DXO: variants seen among roughly 807,000 people sequenced by gnomAD.
The protein encoded by DXO is decapping exoribonuclease, also known as decapping and exoribonuclease protein.
A neutral mutation model predicts 39.8 loss-of-function variants in DXO; 42 were observed. That is an observed-to-expected ratio of 1.06 (90% confidence interval 0.83 to 1.37). The LOEUF (loss-of-function observed/expected upper bound fraction) is 1.37, where lower values mean the gene tolerates loss of function less well. Ranked by LOEUF, DXO falls within the 40% of genes most tolerant of loss-of-function variation. DXO has a pLI of 0.00. For synonymous variants in DXO, 193 were observed against 200.4 expected (o/e 0.96, Z 0.31); for missense variants, 495 against 513.0 (o/e 0.96, Z 0.34).
In DXO at chr6:31,970,164, A is replaced by G. The variant is rs1375032988; in HGVS notation, c.988T>C (p.Phe330Leu). Residue 330 changes from phenylalanine to leucine, a missense_variant, in exon 6 of 7, where the codon TTC becomes CTC. By Grantham distance (22) the Phe-to-Leu change is conservative. Coordinates refer to ENST00000337523, the MANE Select transcript of DXO (RefSeq NM_005510.4). The surrounding 1 kb of genome is among the most constrained non-coding windows in gnomAD (Gnocchi z 4.0). ...GCAAAGCTAAGGAAGGCGGCACAGA[A>G]GTTCATGCACACAGAGGGATTCCAG... ...DGWNPSVCMN[F>L]CAAFLSFAQS... 1 of 1,613,984 alleles carries G rather than the reference A, an allele frequency of 6.2e-7. No individual in the cohort carries two copies. The highest frequency in any genetic ancestry group is 1.1e-5 in the South Asian group (1 of 91,070).
At position 31,970,322 on chromosome 6, in the gene DXO, G is replaced by A; in HGVS notation, c.948+21C>T. The A allele has an allele frequency of 6.2e-7, 1 of 1,614,062 alleles. No individual in the cohort carries two copies. Among genetic ancestry groups the A allele is most frequent in the African/African-American group, 1.3e-5 (1 of 75,000 alleles). ...TTGGTGTTTGGGGATACGGGTGGGA[G>A]CTGCAACATCGTTCCCTTACCCTGA... On this transcript the variant is annotated intron_variant, in intron 5 of 6. Transcript: ENST00000337523. This position sits in a 1 kb window ranked among gnomAD's most constrained non-coding sequence, Gnocchi z 4.0.
rs1773143490 is a variant in DXO at position 31,970,289 on chromosome 6, C to CTG, written c.948+52_948+53dup. ...CAGGCTGTTGCCCTGGATGCTAGAC[C>CTG]TGTGGTCTTGGTGTTTGGGGATACG... On this transcript the variant is annotated intron_variant, in intron 5 of 6. Coordinates refer to ENST00000337523, the MANE Select transcript of DXO (RefSeq NM_005510.4). The surrounding 1 kb of genome is among the most constrained non-coding windows in gnomAD (Gnocchi z 4.0). 6.2e-7 allele frequency: 1 copy of CTG among 1,613,826 alleles called. No individual in the cohort carries two copies. The highest frequency in any genetic ancestry group is 1.1e-5 in the South Asian group (1 of 91,078).
At position 31,971,757 on chromosome 6, in the gene DXO, G is replaced by T; in HGVS notation, c.-6-76C>A. Reference sequence around the variant, plus strand: ...AAGGATGACTGGTTTAGGACTAAGCGAGCCACCTGATCGCCAGGCTCTGGC... The same window carrying T: ...AAGGATGACTGGTTTAGGACTAAGCTAGCCACCTGATCGCCAGGCTCTGGC... On this transcript the variant is annotated intron_variant, in intron 1 of 6. Coordinates refer to ENST00000337523, the MANE Select transcript of DXO (RefSeq NM_005510.4). This position sits in a 1 kb window ranked among gnomAD's most constrained non-coding sequence, Gnocchi z 4.5. The T allele has an allele frequency of 7.0e-7, 1 of 1,427,512 alleles. No homozygotes were observed. Among genetic ancestry groups the T allele is most frequent in the South Asian group, 1.4e-5 (1 of 72,322 alleles). The allele number at this position is 1,427,512 out of a possible 1,614,324, so 88.4% of individuals were successfully genotyped here.
chr6:31,971,069 C>T lies in DXO; in HGVS notation c.435G>A (p.Arg145=). The T allele has an allele frequency of 1.2e-6, 2 of 1,612,966 alleles. No individual in the cohort carries two copies. The highest frequency in any genetic ancestry group is 1.7e-6 in the Non-Finnish European group (2 of 1,180,010). The stretch of plus-strand genomic sequence containing the variant: ...AGGCTGCCAGCTGCCAGCCCTCCTG[C>T]CGCTCATACGGTGTCGTCAGCAGTT... The part of the protein sequence containing the change: ...LTKLLTTPYE[R]QEGWQLAASR... The change falls in exon 3 of 7, where the codon CGG becomes CGA. Residue 145 remains arginine, a synonymous_variant. Coordinates refer to ENST00000337523, the MANE Select transcript of DXO (RefSeq NM_005510.4). The surrounding 1 kb of genome is among the most constrained non-coding windows in gnomAD (Gnocchi z 4.5).
rs199944121 is a variant in DXO, at chr6:31,970,400, G to A, written c.891C>T (p.Asp297=). The change falls in exon 5 of 7, where the codon GAC becomes GAT. Residue 297 remains aspartate, a synonymous_variant. Coordinates refer to ENST00000337523, the MANE Select transcript of DXO (RefSeq NM_005510.4). The surrounding 1 kb of genome is among the most constrained non-coding windows in gnomAD (Gnocchi z 4.0). ...AGGTCTTGAGGGAAGAGACAAAACC[G>A]TCTGGGTTACGGAAGCCAGCAACAA... ...PNVVAGFRNP[D]GFVSSLKTFP... is the part of the protein sequence containing the mutation. 9.3e-6 allele frequency: 15 copies of A among 1,614,094 alleles called. No individual in the cohort carries two copies. The highest frequency in any genetic ancestry group is 6.7e-5 in the Admixed American group (4 of 60,024).
chr6:31,971,722 A>C lies in DXO; in HGVS notation c.-6-41T>G. 1.9e-6 allele frequency: 3 copies of C among 1,539,196 alleles called. No individual in the cohort carries two copies. The highest frequency in any genetic ancestry group is 2.6e-6 in the Non-Finnish European group (3 of 1,145,098). ...GTACAGAGTTTCCATTCTACAGAGG[A>C]GGCCTGGAGAAGGATGACTGGTTTA... On this transcript the variant is annotated intron_variant, in intron 1 of 6. Coordinates refer to ENST00000337523, the MANE Select transcript of DXO (RefSeq NM_005510.4). The surrounding 1 kb of genome is among the most constrained non-coding windows in gnomAD (Gnocchi z 4.5).
chr6:31,971,072 C>T lies in DXO; in HGVS notation c.432G>A (p.Glu144=), dbSNP rs1475185282. 2 of 1,612,886 alleles carry T rather than the reference C, an allele frequency of 1.2e-6. No individual in the cohort carries two copies. Among genetic ancestry groups the T allele is most frequent in the Non-Finnish European group, 8.5e-7 (1 of 1,180,020 alleles). Reference sequence around the variant, plus strand: ...CTGCCAGCTGCCAGCCCTCCTGCCGCTCATACGGTGTCGTCAGCAGTTTTG... The same window carrying T: ...CTGCCAGCTGCCAGCCCTCCTGCCGTTCATACGGTGTCGTCAGCAGTTTTG... ...HLTKLLTTPY[E]RQEGWQLAAS... Residue 144 remains glutamate (E), a synonymous_variant, in exon 3 of 7, where the codon GAG becomes GAA. Transcript: ENST00000337523. This position sits in a 1 kb window ranked among gnomAD's most constrained non-coding sequence, Gnocchi z 4.5.
chr6:31,971,018 C>G lies in DXO; in HGVS notation c.486G>C (p.Leu162=), dbSNP rs1252704830. 6.2e-7 allele frequency: 1 copy of G among 1,613,020 alleles called. No homozygotes were observed. Among genetic ancestry groups the G allele is most frequent in the South Asian group, 1.1e-5 (1 of 91,080 alleles). The part of the protein sequence containing the change: ...AASRFQGTLY[L]SEVETPNARA... Reference sequence around the variant, plus strand: ...GAGCGTTCGGTGTCTCCACTTCACTCAGGTATAGTGTTCCCTGGAACCGGG... The same window carrying G: ...GAGCGTTCGGTGTCTCCACTTCACTGAGGTATAGTGTTCCCTGGAACCGGG... The change falls in exon 3 of 7, where the codon CTG becomes CTC. Residue 162 remains leucine, a synonymous_variant. Transcript: ENST00000337523. This position sits in a 1 kb window ranked among gnomAD's most constrained non-coding sequence, Gnocchi z 4.5.
rs1773364182 is a variant in DXO at position 31,971,859 on chromosome 6, C to G, written c.-7+70G>C. The G allele has an allele frequency of 1.4e-6, 2 of 1,400,430 alleles. No individual in the cohort carries two copies. Among genetic ancestry groups the G allele is most frequent in the Non-Finnish European group, 1.9e-6 (2 of 1,051,724 alleles). 86.8% of individuals were successfully genotyped at this position (1,400,430 alleles called of 1,614,324 possible). A position where few individuals can be genotyped will look rare whatever the true frequency, so the allele number is the denominator to read the frequency against. ...CCTCTTTCCTTGCCCTTCACCCACC[C>G]TCCCTCCAGGTCCTCCAAATGCAGT... On this transcript the variant is annotated intron_variant, in intron 1 of 6. Transcript: ENST00000337523. This position sits in a 1 kb window ranked among gnomAD's most constrained non-coding sequence, Gnocchi z 4.5.
rs760513701 is a variant in DXO, at chr6:31,971,034, T to C, written c.470A>G (p.Gln157Arg). ...CACTTCACTCAGGTATAGTGTTCCC[T>C]GGAACCGGGAGGCTGCCAGCTGCCA... is the stretch of plus-strand genomic sequence containing the variant. ...EGWQLAASRFQGTLYLSEVET... is the reference protein window; with the variant it reads ...EGWQLAASRFRGTLYLSEVET... Residue 157 changes from glutamine to arginine, a missense_variant, in exon 3 of 7, where the codon CAG (glutamine) becomes CGG (arginine). Coordinates refer to ENST00000337523, the MANE Select transcript of DXO (RefSeq NM_005510.4). The surrounding 1 kb of genome is among the most constrained non-coding windows in gnomAD (Gnocchi z 4.5). 7.4e-6 allele frequency: 12 copies of C among 1,612,872 alleles called. No homozygotes were observed. Among genetic ancestry groups the C allele is most frequent in the East Asian group, 2.2e-5 (1 of 44,896 alleles).
chr6:31,970,388 A>G lies in DXO; in HGVS notation c.903T>C (p.Ser301=). 1 of 1,614,150 alleles carries G rather than the reference A, an allele frequency of 6.2e-7. No individual in the cohort carries two copies. Among genetic ancestry groups the G allele is most frequent in the Non-Finnish European group, 8.5e-7 (1 of 1,180,026 alleles). The change falls in exon 5 of 7, where the codon TCT becomes TCC. Residue 301 remains serine, a synonymous_variant. Transcript: ENST00000337523. This position sits in a 1 kb window ranked among gnomAD's most constrained non-coding sequence, Gnocchi z 4.0. ...AGFRNPDGFV[S]SLKTFPTMKM... is the part of the protein sequence containing the mutation. ...TCATGGTAGGAAAGGTCTTGAGGGAAGAGACAAAACCGTCTGGGTTACGGA... is the reference window on the plus strand; with the variant it reads ...TCATGGTAGGAAAGGTCTTGAGGGAGGAGACAAAACCGTCTGGGTTACGGA...
In DXO at chr6:31,970,070, C is replaced by T. The variant is rs759401214; in HGVS notation, c.1043+39G>A. 1.2e-6 allele frequency: 2 copies of T among 1,613,988 alleles called. No individual in the cohort carries two copies. The highest frequency in any genetic ancestry group is 8.5e-7 in the Non-Finnish European group (1 of 1,180,004). On this transcript the variant is annotated intron_variant, in intron 6 of 6. Transcript: ENST00000337523. The surrounding 1 kb of genome is among the most constrained non-coding windows in gnomAD (Gnocchi z 4.0). The stretch of plus-strand genomic sequence containing the variant: ...TCAGTTGAGGGCCAGAGGCTGGATC[C>T]TGGGATCCAGAGGGGAGGGACAGAG...
rs766000650 is a variant in DXO at position 31,970,861 on chromosome 6, G to C, written c.593-36C>G. On this transcript the variant is annotated intron_variant, in intron 3 of 6. Coordinates refer to ENST00000337523, the MANE Select transcript of DXO (RefSeq NM_005510.4). The surrounding 1 kb of genome is among the most constrained non-coding windows in gnomAD (Gnocchi z 4.0). ...AGAGAAGCAGCAGCAGGCGTGGGGGGCTCTCAACCTCTGGGAAGGGGAAGG... is the reference window on the plus strand; with the variant it reads ...AGAGAAGCAGCAGCAGGCGTGGGGGCCTCTCAACCTCTGGGAAGGGGAAGG... The C allele has an allele frequency of 1.9e-6, 3 of 1,611,462 alleles. No individual in the cohort carries two copies. The highest frequency in any genetic ancestry group is 2.5e-6 in the Non-Finnish European group (3 of 1,178,882).
Position 31,970,446 on chromosome 6 carries a change from A to G in DXO, c.845T>C (p.Phe282Ser), listed in dbSNP as rs777173879. ...HKLLKWWAQS[F>S]LPGVPNVVAG... Reference sequence around the variant, plus strand: ...AACAACATTCGGGACCCCTGGGAGGAATGACTGAGCCCACCATTTCAGGAG... The same window carrying G: ...AACAACATTCGGGACCCCTGGGAGGGATGACTGAGCCCACCATTTCAGGAG... Residue 282 changes from phenylalanine (F) to serine (S), a missense_variant, in exon 5 of 7, where the codon TTC becomes TCC. Transcript: ENST00000337523. The surrounding 1 kb of genome is among the most constrained non-coding windows in gnomAD (Gnocchi z 4.0). The G allele has an allele frequency of 6.2e-7, 1 of 1,614,008 alleles. No individual in the cohort carries two copies. Among genetic ancestry groups the G allele is most frequent in the South Asian group, 1.1e-5 (1 of 91,080 alleles).
At position 31,971,379 on chromosome 6, in the gene DXO, GACCTCCTCGTCC is replaced by G; in HGVS notation, c.285_296del (p.Asp96_Val99del). The stretch of plus-strand genomic sequence containing the variant: ...ACAGCAGGTGGTCCAGCCTTTCCTG[GACCTCCTCGTCC>G]CGGGGCTGGTATCGATCCGGGTATC... On this transcript the variant is annotated inframe_deletion, in exon 2 of 7. Coordinates refer to ENST00000337523, the MANE Select transcript of DXO (RefSeq NM_005510.4). This position sits in a 1 kb window ranked among gnomAD's most constrained non-coding sequence, Gnocchi z 4.5. The G allele has an allele frequency of 6.3e-7, 1 of 1,577,170 alleles. No homozygotes were observed. Among genetic ancestry groups the G allele is most frequent in the Non-Finnish European group, 8.6e-7 (1 of 1,158,864 alleles).
chr6:31,971,105 C>T lies in DXO; in HGVS notation c.399G>A (p.Gly133=), dbSNP rs1458731809. The T allele has an allele frequency of 2.5e-6, 4 of 1,612,788 alleles. No individual in the cohort carries two copies. The highest frequency in any genetic ancestry group is 1.3e-5 in the African/African-American group (1 of 75,018). ...WLAEAIVTWR[G]HLTKLLTTPY... ...GTGTCGTCAGCAGTTTTGTCAGGTG[C>T]CCCCGCCACGTCACTATGGCCTCTG... is the stretch of plus-strand genomic sequence containing the variant. The change falls in exon 3 of 7, where the codon GGG becomes GGA. Residue 133 remains glycine (G), a synonymous_variant. Coordinates refer to ENST00000337523, the MANE Select transcript of DXO (RefSeq NM_005510.4). This position sits in a 1 kb window ranked among gnomAD's most constrained non-coding sequence, Gnocchi z 4.5.
Position 31,971,043 on chromosome 6 carries a change from G to A in DXO, c.461C>T (p.Ser154Phe), listed in dbSNP as rs1388218852. Residue 154 changes from serine (S) to phenylalanine (F), a missense_variant, in exon 3 of 7, where the codon TCC (serine) becomes TTC (phenylalanine). Coordinates refer to ENST00000337523, the MANE Select transcript of DXO (RefSeq NM_005510.4). The surrounding 1 kb of genome is among the most constrained non-coding windows in gnomAD (Gnocchi z 4.5). Reference protein sequence around the residue: ...ERQEGWQLAASRFQGTLYLSE... With the variant: ...ERQEGWQLAAFRFQGTLYLSE... ...CAGGTATAGTGTTCCCTGGAACCGG[G>A]AGGCTGCCAGCTGCCAGCCCTCCTG... 6.2e-7 allele frequency: 1 copy of A among 1,613,004 alleles called. No individual in the cohort carries two copies. The highest frequency in any genetic ancestry group is 1.7e-5 in the Admixed American group (1 of 60,020).
At position 31,972,138 on chromosome 6, in the gene DXO, C is replaced by T; in HGVS notation, c.-216G>A. On this transcript the variant is annotated 5_prime_UTR_variant, in exon 1 of 7. Coordinates refer to ENST00000337523, the MANE Select transcript of DXO (RefSeq NM_005510.4). The surrounding 1 kb of genome is among the most constrained non-coding windows in gnomAD (Gnocchi z 6.3). ...CACCGGCGCCCCTCCACGCCGCCAACGAGTCCCCGGGCGTGCGTGCCCTTG... is the reference window on the plus strand; with the variant it reads ...CACCGGCGCCCCTCCACGCCGCCAATGAGTCCCCGGGCGTGCGTGCCCTTG... The T allele has an allele frequency of 6.2e-7, 1 of 1,612,984 alleles. No individual in the cohort carries two copies. The highest frequency in any genetic ancestry group is 8.5e-7 in the Non-Finnish European group (1 of 1,179,838).
chr6:31,971,086 TCAG>T lies in DXO; in HGVS notation c.415_417del (p.Leu139del). 6.2e-7 allele frequency: 1 copy of T among 1,612,856 alleles called. No individual in the cohort carries two copies. The highest frequency in any genetic ancestry group is 8.5e-7 in the Non-Finnish European group (1 of 1,179,974). ...CCCTCCTGCCGCTCATACGGTGTCGTCAGCAGTTTTGTCAGGTGCCCCCGCCAC... is the reference window on the plus strand; with the variant it reads ...CCCTCCTGCCGCTCATACGGTGTCGTCAGTTTTGTCAGGTGCCCCCGCCAC... On this transcript the variant is annotated inframe_deletion, in exon 3 of 7. Transcript: ENST00000337523. This position sits in a 1 kb window ranked among gnomAD's most constrained non-coding sequence, Gnocchi z 4.5.
Sources: gnomAD v4.1 joint callset for allele counts on GRCh38, gnomAD v4.1.1 for gene constraint, Gnocchi (gnomAD v3.1) non-coding constraint, MANE v1.5 for transcripts, NCBI Gene and HGNC (gene_info 2026-07-23, HGNC 2026-07-21) for gene names.